The following HSD17B11 variants were observed in gnomAD, a reference collection of about 807,000 sequenced individuals.
HSD17B11 encodes hydroxysteroid 17-beta dehydrogenase 11.
HSD17B11 carries 22 observed loss-of-function variants against 27.8 expected under a neutral mutation model. The observed-to-expected ratio is 0.79, with a 90% CI of 0.56 to 1.13. HSD17B11 has a LOEUF of 1.13. Ranked by LOEUF, HSD17B11 falls within the 50% of genes most tolerant of loss-of-function variation. HSD17B11 has a pLI of 0.00. For synonymous variants in HSD17B11, 117 were observed against 132.8 expected (o/e 0.88, Z 0.82); for missense variants, 314 against 351.1 (o/e 0.89, Z 0.84).
rs1257130015 is a variant in HSD17B11, at chr4:87,372,186, T to C, written c.557+523A>G. ...TGAACCCAGGAGGCGGAGCTTGCAG[T>C]GAGCCGAGATTGCGCCACTGCACTC... On this transcript the variant is annotated intron_variant, in intron 4 of 6. Transcript: ENST00000358290. Among the ~76,000 whole-genome samples the C allele has an allele frequency of 1.1e-4, 15 of 141,532 alleles. No homozygotes were observed. The South Asian group carries it at 3.1e-3, about 29-fold the overall frequency. 92.9% of individuals were successfully genotyped at this position (141,532 alleles called of 152,430 possible). A position where few individuals can be genotyped will look rare whatever the true frequency, so the allele number is the denominator to read the frequency against.
At chr4:87,366,308 C>CA (rs1322140099) in intron 4 of HSD17B11, among the ~76,000 whole-genome samples, 1 of 151,718 alleles carries the variant, frequency 6.6e-6, no homozygotes, top group Non-Finnish European at 1.5e-5. Context: ...TGCGCTTTCA[C>CA]AAAAAAATGT....
intron 2 of HSD17B11, among the ~76,000 whole-genome samples, chr4:87,377,807 G>A (rs1291033975): frequency 3.3e-5 from 5 of 152,144 alleles, no homozygotes; most frequent in African/African-American, 1.2e-4. Context: ...CAGTGTGTTG[G>A]GGGACTGAGG....
chr4:87,374,606 A>G, intron 3 of HSD17B11, 93 bp downstream of exon 3: 4 of 1,268,822 alleles, frequency 3.2e-6, no homozygotes, highest in Non-Finnish European at 4.4e-6. Context: ...AAACTTTAGC[A>G]TTGATTTAAT....
chr4:87,374,533 T>C (rs2110126082), intron 3 of HSD17B11, 166 bp downstream of exon 3: 2 of 507,864 alleles, frequency 3.9e-6, no homozygotes, highest in South Asian at 2.8e-5. Context: ...GGAAGAATGA[T>C]AGAATTTGGT....
Position 87,357,296 on chromosome 4 carries a change from G to T in HSD17B11, c.678C>A (p.Ile226=). The change falls in exon 5 of 7, where the codon ATC becomes ATA. Residue 226 remains isoleucine, a synonymous_variant. Coordinates refer to ENST00000358290, the MANE Select transcript of HSD17B11 (RefSeq NM_016245.5). ...CAACTTACCTTGTACTTGGATTTTT[G>T]ATGAAGCCAGTGTTTACGAAATTAG... ...LCPNFVNTGF[I]KNPSTSLGPT... 1.2e-6 allele frequency: 2 copies of T among 1,611,170 alleles called. No homozygotes were observed. Among genetic ancestry groups the T allele is most frequent in the Non-Finnish European group, 1.7e-6 (2 of 1,179,114 alleles).
At chr4:87,389,483 A>G (rs1481977738) in intron 1 of HSD17B11, among the ~76,000 whole-genome samples, 2 of 152,094 alleles carry the variant, frequency 1.3e-5, no homozygotes, top group East Asian at 3.9e-4. Flanking sequence ...CTCGGCCTCC[A>G]AAAGTGCTGG....
rs544064829 is a variant in HSD17B11, at chr4:87,346,589, G to A, written c.696-5983C>T. On this transcript the variant is annotated intron_variant, in intron 5 of 6. Coordinates refer to ENST00000358290, the MANE Select transcript of HSD17B11 (RefSeq NM_016245.5). ...CGCTTGAATCTGGGAGGTGGAGGCC[G>A]CAGTTAGCTGGGATCATGCCACTGC... is the stretch of plus-strand genomic sequence containing the variant. Among the ~76,000 whole-genome samples, 48 of 152,242 alleles carry A rather than the reference G, an allele frequency of 3.2e-4. No individual in the cohort carries two copies. In the South Asian group the frequency reaches 4.6e-3, roughly 14 times the overall value.
chr4:87,336,845 G>C lies in HSD17B11; in HGVS notation c.*431C>G, dbSNP rs894715890. On this transcript the variant is annotated 3_prime_UTR_variant, in exon 7 of 7. Coordinates refer to ENST00000358290, the MANE Select transcript of HSD17B11 (RefSeq NM_016245.5). ...TCATTGTGAAATACCACTAGATATA[G>C]TCCTTCATTTTATTTAGAGAGCTTG... 2 of 173,676 alleles carry C rather than the reference G, an allele frequency of 1.2e-5. No homozygotes were observed. Among genetic ancestry groups the C allele is most frequent in the African/African-American group, 4.8e-5 (2 of 41,520 alleles). 10.8% of individuals were successfully genotyped at this position (173,676 alleles called of 1,614,324 possible). A position where few individuals can be genotyped will look rare whatever the true frequency, so the allele number is the denominator to read the frequency against.
chr4:87,378,821 TATATATATAAATATATATATATAA>T (rs2110128560), intron 2 of HSD17B11, among the ~76,000 whole-genome samples: 2 of 40,468 alleles, frequency 4.9e-5, no homozygotes, highest in South Asian at 4.0e-4. Context: ...AAATATAAAA[TATATATATAAATATATATATATAA>T]ATATATATAT....
At chr4:87,354,012 CTTGT>C (rs1479212808) in intron 5 of HSD17B11, among the ~76,000 whole-genome samples, 2 of 152,148 alleles carry the variant, frequency 1.3e-5, no homozygotes, top group African/African-American at 4.8e-5. Context: ...TTAGGGTTCT[CTTGT>C]TTAATACTGA....
chr4:87,389,428 T>C (rs1259636701), intron 1 of HSD17B11, among the ~76,000 whole-genome samples: 1 of 152,136 alleles, frequency 6.6e-6, no homozygotes, highest in East Asian at 1.9e-4. Context: ...TTCACCATGT[T>C]AGCCAGGCTG....
intron 5 of HSD17B11, among the ~76,000 whole-genome samples, chr4:87,346,372 G>C (rs939416928): frequency 1.3e-5 from 2 of 152,184 alleles, no homozygotes; most frequent in African/African-American, 4.8e-5. Context: ...GGATGGGCCG[G>C]GTGCGGTGGC....
At chr4:87,368,984 C>G (rs990345023) in intron 4 of HSD17B11, among the ~76,000 whole-genome samples, 1 of 152,190 alleles carries the variant, frequency 6.6e-6, no homozygotes, top group Non-Finnish European at 1.5e-5. Flanking sequence ...TATTCCTTTA[C>G]TTTCTTAATA....
rs188188057 is a variant in HSD17B11 at position 87,390,224 on chromosome 4, T to C, written c.210+637A>G. Among the ~76,000 whole-genome samples the C allele has an allele frequency of 9.7e-3, 1,478 of 152,342 alleles. 17 individuals are homozygous for C. The highest frequency in any genetic ancestry group is 0.029 in the African/African-American group (1,210 of 41,582). On this transcript the variant is annotated intron_variant, in intron 1 of 6. Transcript: ENST00000358290. ...AGGCTGAAGTGCAGTGGCGCCATCT[T>C]GGCTCACTGCAACCTCCGCCCCGCG... is the stretch of plus-strand genomic sequence containing the variant.
chr4:87,376,706 G>GT (rs1198388433), intron 2 of HSD17B11, among the ~76,000 whole-genome samples: 1 of 152,096 alleles, frequency 6.6e-6, no homozygotes, highest in Non-Finnish European at 1.5e-5. Context: ...AAGGGCTTAT[G>GT]TAAACCCTTA....
In HSD17B11 at chr4:87,337,383, T is replaced by C. The variant is rs776891793; in HGVS notation, c.813-17A>G. On this transcript the variant is annotated splice_polypyrimidine_tract_variant and intron_variant, in intron 6 of 6. Coordinates refer to ENST00000358290, the MANE Select transcript of HSD17B11 (RefSeq NM_016245.5). Reference sequence around the variant, plus strand: ...GGAAGGATCCTAAAAGAAAGATATATGCAAATAATTAGAAAATTAATATTA... The same window carrying C: ...GGAAGGATCCTAAAAGAAAGATATACGCAAATAATTAGAAAATTAATATTA... The C allele has an allele frequency of 2.9e-6, 4 of 1,365,206 alleles. No homozygotes were observed. The highest frequency in any genetic ancestry group is 1.9e-5 in the Admixed American group (1 of 53,848). The allele number at this position is 1,365,206 out of a possible 1,614,324, so 84.6% of individuals were successfully genotyped here. A position where few individuals can be genotyped will look rare whatever the true frequency, so the allele number is the denominator to read the frequency against.
chr4:87,339,351 T>C (rs919968581), intron 6 of HSD17B11, among the ~76,000 whole-genome samples: 1 of 152,270 alleles, frequency 6.6e-6, no homozygotes, highest in Non-Finnish European at 1.5e-5. Context: ...ATGCTTTTCA[T>C]TTCTTGAGTT....
Position 87,365,157 on chromosome 4 carries a change from G to A in HSD17B11, c.557+7552C>T, listed in dbSNP as rs184724022. On this transcript the variant is annotated intron_variant, in intron 4 of 6. Coordinates refer to ENST00000358290, the MANE Select transcript of HSD17B11 (RefSeq NM_016245.5). Reference sequence around the variant, plus strand: ...GCACTCCAGCCTGGGTGACAAGAGCGAAACTTTGTCTCAAAAAAAAAGAAA... The same window carrying A: ...GCACTCCAGCCTGGGTGACAAGAGCAAAACTTTGTCTCAAAAAAAAAGAAA... Among the ~76,000 whole-genome samples the A allele has an allele frequency of 6.5e-3, 987 of 152,120 alleles. 26 individuals are homozygous for A. Among genetic ancestry groups the A allele is most frequent in the Admixed American group, 0.058 (886 of 15,274 alleles).
intron 4 of HSD17B11, among the ~76,000 whole-genome samples, chr4:87,364,412 G>A (rs191303346): frequency 3.2e-4 from 49 of 152,266 alleles, no homozygotes; most frequent in Admixed American, 6.5e-4. Context: ...TTGGGGGAGG[G>A]GGGTTATCAG....
Sources: allele counts gnomAD v4.1 joint callset (sites outside exome capture counted in the v4.1 genomes callset), GRCh38; gene constraint gnomAD v4.1.1; transcripts MANE v1.5; gene names NCBI Gene and HGNC (gene_info 2026-07-23, HGNC 2026-07-21).